Variants in POLR3E observed in about 807,000 individuals in gnomAD.
The protein encoded by POLR3E is DNA-directed RNA polymerase III subunit RPC5.
POLR3E carries 41 observed loss-of-function variants against 96.6 expected under a neutral mutation model. The observed-to-expected ratio is 0.42, with a 90% CI of 0.33 to 0.55. POLR3E has a LOEUF of 0.55. POLR3E is among the 20% of genes least tolerant of loss of function. The pLI is 0.06. For synonymous variants in POLR3E, 396 were observed against 383.6 expected, an observed-to-expected ratio of 1.03 and a Z score of -0.38; for missense variants, 849 against 952.1, an observed-to-expected ratio of 0.89 and a Z score of 1.43.
At chr16:22,315,906 G>A (rs748469193) in intron 9 of POLR3E, among the ~76,000 whole-genome samples, 1 of 152,076 alleles carries the variant, frequency 6.6e-6, no homozygotes, top group African/African-American at 2.4e-5. Context: ...ATTTCCAAGT[G>A]ATCTGCCCAC....
intron 19 of POLR3E, chr16:22,328,823 AATC>A (rs1395706181): frequency 2.0e-6 from 1 of 489,898 alleles, no homozygotes; most frequent in African/African-American, 2.0e-5. Flanking sequence ...GCTCCATCAG[AATC>A]ATCTTTTAAA....
At chr16:22,321,840 C>T (rs1032232805) in intron 13 of POLR3E, among the ~76,000 whole-genome samples, 2 of 152,338 alleles carry the variant, frequency 1.3e-5, no homozygotes, top group Middle Eastern at 3.4e-3. Context: ...CTGCTGCTGC[C>T]CATGCTGCCA....
chr16:22,298,506 A>G (rs2047946392), intron 1 of POLR3E, among the ~76,000 whole-genome samples: 1 of 152,174 alleles, frequency 6.6e-6, no homozygotes, highest in Non-Finnish European at 1.5e-5. Context: ...AATAGGGAGG[A>G]ATACCAAACC....
At chr16:22,312,538 T>C (rs7199514) in intron 6 of POLR3E, among the ~76,000 whole-genome samples, 11,553 of 151,852 alleles carry the variant, frequency 0.076, 1,485 homozygotes, top group African/African-American at 0.26. Context: ...GAGTGGACTA[T>C]ATGGTACGTG....
At chr16:22,330,781 T>TTA (rs2048720416) in intron 19 of POLR3E, among the ~76,000 whole-genome samples, 1 of 151,354 alleles carries the variant, frequency 6.6e-6, no homozygotes, top group South Asian at 2.1e-4. Context: ...AAAGGATACT[T>TTA]CATGTAGCAG....
chr16:22,330,700 C>T (rs1337975161), intron 19 of POLR3E, among the ~76,000 whole-genome samples: 1 of 152,082 alleles, frequency 6.6e-6, no homozygotes, highest in African/African-American at 2.4e-5. Context: ...GAGTTGTCTG[C>T]ATTCTTTCAT....
At position 22,317,112 on chromosome 16, in the gene POLR3E, C is replaced by T. The variant is rs750406718; in HGVS notation, c.774-3C>T. Reference sequence around the variant, plus strand: ...TCTAACCCGTCCCCTCTGCTTTTCCCAGAGACAAGCCTGTGGCCCCCAGCA... The same window carrying T: ...TCTAACCCGTCCCCTCTGCTTTTCCTAGAGACAAGCCTGTGGCCCCCAGCA... On this transcript the variant is annotated splice_polypyrimidine_tract_variant and splice_region_variant and intron_variant, in intron 11 of 20. Coordinates refer to ENST00000299853, the MANE Select transcript of POLR3E (RefSeq NM_018119.4). 6.2e-7 allele frequency: 1 copy of T among 1,614,204 alleles called. No homozygotes were observed. Among genetic ancestry groups the T allele is most frequent in the Non-Finnish European group, 8.5e-7 (1 of 1,179,992 alleles).
rs536871338 is a variant in POLR3E, at chr16:22,322,107, G to A, written c.987-743G>A. ...TGTGGTGGCAGCGATGAGCCACATC[G>A]GCAGAGTCCGTGTCCCCACAGAGCG... On this transcript the variant is annotated intron_variant, in intron 13 of 20. Coordinates refer to ENST00000299853, the MANE Select transcript of POLR3E (RefSeq NM_018119.4). The surrounding 1 kb of genome is among the most constrained non-coding windows in gnomAD (Gnocchi z 5.2). Among the ~76,000 whole-genome samples the A allele has an allele frequency of 1.6e-4, 24 of 152,294 alleles. No homozygotes were observed. Among genetic ancestry groups the A allele is most frequent in the Admixed American group, 3.9e-4 (6 of 15,294 alleles).
chr16:22,330,267 T>C (rs1401208138), intron 19 of POLR3E, among the ~76,000 whole-genome samples: 1 of 151,740 alleles, frequency 6.6e-6, no homozygotes, highest in Non-Finnish European at 1.5e-5. Context: ...GTGGTAGGGG[T>C]CGGGGGGTGG....
At chr16:22,311,430 T>G (rs1212882435) in intron 6 of POLR3E, among the ~76,000 whole-genome samples, 2 of 152,066 alleles carry the variant, frequency 1.3e-5, no homozygotes, top group Non-Finnish European at 2.9e-5. Flanking sequence ...TCTTTTATAC[T>G]ATACTTTTAC....
chr16:22,322,258 C>A lies in POLR3E; in HGVS notation c.987-592C>A, dbSNP rs1174070486. Among the ~76,000 whole-genome samples the A allele has an allele frequency of 1.3e-5, 2 of 152,150 alleles. No individual in the cohort carries two copies. The highest frequency in any genetic ancestry group is 2.9e-5 in the Non-Finnish European group (2 of 68,022). ...CGCAGCAGGGGCTGAGCCGGGGTTG[C>A]AGGGCCTGTGGCTGGAGCTGGGTCA... On this transcript the variant is annotated intron_variant, in intron 13 of 20. Transcript: ENST00000299853. This position sits in a 1 kb window ranked among gnomAD's most constrained non-coding sequence, Gnocchi z 5.2.
At position 22,314,097 on chromosome 16, in the gene POLR3E, A is replaced by T; in HGVS notation, c.491A>T (p.Asp164Val). The change falls in exon 8 of 21, where the codon GAT (aspartate) becomes GTT (valine). Residue 164 changes from aspartate to valine, a missense_variant. By Grantham distance (152) the Asp-to-Val change is radical. Coordinates refer to ENST00000299853, the MANE Select transcript of POLR3E (RefSeq NM_018119.4). ...AANEAGDSSQ[D>V]EAEDDVKQIT... is the part of the protein sequence containing the mutation. ...CTTGCAGCAGGGGACTCTTCACAGG[A>T]TGAGGCGGAAGACGATGTTAAGCAG... is the stretch of plus-strand genomic sequence containing the variant. The T allele has an allele frequency of 6.2e-7, 1 of 1,613,844 alleles. No individual in the cohort carries two copies. The highest frequency in any genetic ancestry group is 8.5e-7 in the Non-Finnish European group (1 of 1,179,886).
chr16:22,322,417 A>G lies in POLR3E; in HGVS notation c.987-433A>G, dbSNP rs1001389680. Among the ~76,000 whole-genome samples, 2 of 152,008 alleles carry G rather than the reference A, an allele frequency of 1.3e-5. No homozygotes were observed. The highest frequency in any genetic ancestry group is 4.8e-5 in the African/African-American group (2 of 41,380). Reference sequence around the variant, plus strand: ...CCTCCCCTGCCTCTGACCTCGGTTCATGCCCACCTGCCCCTTTCAGCAGGT... The same window carrying G: ...CCTCCCCTGCCTCTGACCTCGGTTCGTGCCCACCTGCCCCTTTCAGCAGGT... On this transcript the variant is annotated intron_variant, in intron 13 of 20. Coordinates refer to ENST00000299853, the MANE Select transcript of POLR3E (RefSeq NM_018119.4). The surrounding 1 kb of genome is among the most constrained non-coding windows in gnomAD (Gnocchi z 5.2).
At chr16:22,305,291 G>C in intron 3 of POLR3E, 85 bp downstream of exon 3, 3 of 965,792 alleles carry the variant, frequency 3.1e-6, no homozygotes, top group Non-Finnish European at 5.1e-6. Context: ...GGAAACGATG[G>C]GAAACCTCAG....
At chr16:22,327,746 T>C (rs1056526454) in intron 18 of POLR3E, 1 of 152,254 alleles carries the variant, frequency 6.6e-6, no homozygotes, top group Admixed American at 6.5e-5. Context: ...TGCTGCTTAT[T>C]AGCTGTGTGA....
chr16:22,311,267 C>CA (rs2048239499), intron 6 of POLR3E, among the ~76,000 whole-genome samples: 6 of 81,148 alleles, frequency 7.4e-5, no homozygotes, highest in Non-Finnish European at 4.2e-5. Context: ...CTGTGCCCAG[C>CA]CTTTTTTTTT....
At chr16:22,308,301 T>C in intron 4 of POLR3E, 76 bp downstream of exon 4, 1 of 1,128,880 alleles carries the variant, frequency 8.9e-7, no homozygotes, top group Non-Finnish European at 1.4e-6. Context: ...GGCGAGAAGC[T>C]CAGAGAAGGA....
In POLR3E at chr16:22,309,158, C is replaced by T. The variant is rs553354444; in HGVS notation, c.281+118C>T. 71 of 722,264 alleles carry T rather than the reference C, an allele frequency of 9.8e-5. 1 individual carries two copies. Among genetic ancestry groups the T allele is most frequent in the Non-Finnish European group, 1.3e-4 (57 of 427,262 alleles). The allele number at this position is 722,264 out of a possible 1,614,324, so 44.7% of individuals were successfully genotyped here. A position where few individuals can be genotyped will look rare whatever the true frequency, so the allele number is the denominator to read the frequency against. ...ACTGGGCTCCCCACCAGTGTCCCAG[C>T]CTTTGGAGGGCTGGGCCTGTCTCAG... On this transcript the variant is annotated intron_variant, in intron 5 of 20. Coordinates refer to ENST00000299853, the MANE Select transcript of POLR3E (RefSeq NM_018119.4).
chr16:22,320,167 T>C (rs1297018230), intron 13 of POLR3E, among the ~76,000 whole-genome samples: 1 of 152,238 alleles, frequency 6.6e-6, no homozygotes, highest in East Asian at 1.9e-4. Context: ...CACTGCTAGA[T>C]TGGTATATAT....
Sources: allele counts gnomAD v4.1 joint callset (sites outside exome capture counted in the v4.1 genomes callset), GRCh38; gene constraint gnomAD v4.1.1; non-coding constraint Gnocchi (gnomAD v3.1); transcripts MANE v1.5; gene names NCBI Gene and HGNC (gene_info 2026-07-23, HGNC 2026-07-21).